The following TRPM8 variants were observed in gnomAD, a reference collection of about 807,000 sequenced individuals.
The protein encoded by TRPM8 is TRPM8 cationic channel.
A neutral mutation model predicts 133.7 loss-of-function variants in TRPM8; 110 were observed. The ratio of observed to expected loss-of-function variants is 0.82; its 90% CI spans 0.70 to 0.96. The LOEUF (loss-of-function observed/expected upper bound fraction) is 0.96, where lower values mean the gene tolerates loss of function less well. Ranked by LOEUF, TRPM8 falls within the 40% of genes least tolerant of loss-of-function variation. The probability of loss-of-function intolerance (pLI) is 0.00; values close to 1 mark genes in which losing one functional copy is unlikely to be tolerated. For synonymous variants in TRPM8, 535 were observed against 532.3 expected (o/e 1.01, Z -0.07); for missense variants, 1,291 against 1,379.5 (o/e 0.94, Z 1.02).
intron 17 of TRPM8, among the ~76,000 whole-genome samples, chr2:233,971,901 C>T (rs1691732584): frequency 6.6e-6 from 1 of 152,130 alleles, no homozygotes; most frequent in Non-Finnish European, 1.5e-5. Flanking sequence ...CTTATCTGGC[C>T]CCACCCACAT....
chr2:233,949,981 T>C lies in TRPM8; in HGVS notation c.975T>C (p.Pro325=), dbSNP rs1261318808. ...AINTSIKNKI[P]CVVVEGSGQI... is the part of the protein sequence containing the mutation. Reference sequence around the variant, plus strand: ...ATACCTCCATCAAAAATAAAATTCCTTGTGTGGTGGTGGAAGGCTCGGGCC... The same window carrying C: ...ATACCTCCATCAAAAATAAAATTCCCTGTGTGGTGGTGGAAGGCTCGGGCC... The change falls in exon 9 of 26, where the codon CCT becomes CCC. Residue 325 remains proline (P), a synonymous_variant. Coordinates refer to ENST00000324695, the MANE Select transcript of TRPM8 (RefSeq NM_024080.5). 1.2e-6 allele frequency: 2 copies of C among 1,613,990 alleles called. No homozygotes were observed. Among genetic ancestry groups the C allele is most frequent in the Admixed American group, 1.7e-5 (1 of 59,996 alleles).
In TRPM8 at chr2:233,985,680, A is replaced by T; in HGVS notation, c.2762-8A>T. The T allele has an allele frequency of 6.2e-7, 1 of 1,611,956 alleles. No homozygotes were observed. The highest frequency in any genetic ancestry group is 8.5e-7 in the Non-Finnish European group (1 of 1,178,386). On this transcript the variant is annotated splice_polypyrimidine_tract_variant and splice_region_variant and intron_variant, in intron 20 of 25. Transcript: ENST00000324695. ...CCTCACTTTGCCTGTTGGTTTCTAC[A>T]TCCTCAGGTACCACGTATGACTTTG...
At chr2:233,936,333 A>G (rs1690740427) in intron 3 of TRPM8, among the ~76,000 whole-genome samples, 1 of 152,252 alleles carries the variant, frequency 6.6e-6, no homozygotes, top group Admixed American at 6.5e-5. Context: ...ACAAGGGAAG[A>G]GGATTTACCA....
chr2:233,931,821 A>G (rs1691684812), intron 3 of TRPM8, among the ~76,000 whole-genome samples: 1 of 152,200 alleles, frequency 6.6e-6, no homozygotes, highest in Admixed American at 6.5e-5. Context: ...TAAGACCACT[A>G]TTTATCCCCT....
chr2:234,006,778 C>A, intron 22 of TRPM8, 75 bp from the exon 23 acceptor site: 1 of 1,115,704 alleles, frequency 9.0e-7, no homozygotes, highest in Non-Finnish European at 1.3e-6. Context: ...TCACAAAATG[C>A]CTTAGAAGAT....
chr2:234,008,097 T>A lies in TRPM8; in HGVS notation c.3258T>A (p.Asp1086Glu). 1 of 1,603,008 alleles carries A rather than the reference T, an allele frequency of 6.2e-7. No individual in the cohort carries two copies. Among genetic ancestry groups the A allele is most frequent in the South Asian group, 1.1e-5 (1 of 87,544 alleles). Residue 1086 changes from aspartate to glutamate, a missense_variant, in exon 24 of 26, where the codon GAT (aspartate) becomes GAA (glutamate). This residue lies in a region of TRPM8 where 328 missense variants were observed against 410.6 expected (regional missense o/e 0.80). Coordinates refer to ENST00000324695, the MANE Select transcript of TRPM8 (RefSeq NM_024080.5). Reference protein sequence around the residue: ...EEMRHRFRQLDTKLNDLKGLL... With the variant: ...EEMRHRFRQLETKLNDLKGLL... ...TGAGGCATCGATTTAGACAACTGGATACAAAGGTATGGTTCTGTTAATAGT... is the reference window on the plus strand; with the variant it reads ...TGAGGCATCGATTTAGACAACTGGAAACAAAGGTATGGTTCTGTTAATAGT...
intron 14 of TRPM8, among the ~76,000 whole-genome samples, chr2:233,965,589 C>T (rs528006473): frequency 4.6e-5 from 7 of 152,228 alleles, no homozygotes; most frequent in East Asian, 1.9e-4. Flanking sequence ...AAGTTTGCAA[C>T]GAGGTATTTG....
At chr2:233,953,035 A>G (rs1354452804) in intron 9 of TRPM8, among the ~76,000 whole-genome samples, 1 of 152,040 alleles carries the variant, frequency 6.6e-6, no homozygotes, top group East Asian at 1.9e-4. Flanking sequence ...CTCTCCTTCA[A>G]AATCTCCATG....
intron 11 of TRPM8, among the ~76,000 whole-genome samples, chr2:233,957,201 T>G (rs1213360005): frequency 6.6e-6 from 1 of 152,154 alleles, no homozygotes; most frequent in Non-Finnish European, 1.5e-5. Flanking sequence ...ATCAGTTATA[T>G]TTGGCTGGTC....
intron 1 of TRPM8, among the ~76,000 whole-genome samples, chr2:233,923,402 C>G (rs879894805): frequency 1.3e-5 from 2 of 152,182 alleles, no homozygotes; most frequent in Non-Finnish European, 2.9e-5. Flanking sequence ...CTCCATGGCT[C>G]CTCTAGCAAT....
At chr2:233,988,160 C>T (rs768414155) in intron 21 of TRPM8, among the ~76,000 whole-genome samples, 37 of 152,114 alleles carry the variant, frequency 2.4e-4, no homozygotes, top group Admixed American at 4.6e-4. Flanking sequence ...CTCTGTCCCC[C>T]GGCAGGCCTC....
chr2:233,927,785 TCTTTCTTTTCTTTCCTTCCTTC>T (rs1691566878), intron 2 of TRPM8, among the ~76,000 whole-genome samples: 1 of 48,028 alleles, frequency 2.1e-5, no homozygotes, highest in Non-Finnish European at 3.1e-5. Context: ...TTTCTTTCTT[TCTTTCTTTTCTTTCCTTCCTTC>T]CTTCCTTCCT....
chr2:233,992,609 G>A (rs1692306811), intron 21 of TRPM8, among the ~76,000 whole-genome samples: 1 of 152,106 alleles, frequency 6.6e-6, no homozygotes, highest in South Asian at 2.1e-4. Context: ...CTGGTTTCAG[G>A]AGATGGACCT....
chr2:233,969,756 T>A lies in TRPM8; in HGVS notation c.2087T>A (p.Ile696Asn), dbSNP rs767999589. 2 of 1,614,046 alleles carry A rather than the reference T, an allele frequency of 1.2e-6. No homozygotes were observed. Among genetic ancestry groups the A allele is most frequent in the Non-Finnish European group, 1.7e-6 (2 of 1,179,886 alleles). The change falls in exon 16 of 26, where the codon ATC becomes AAC. Residue 696 changes from isoleucine (I) to asparagine (N), a missense_variant. Transcript: ENST00000324695. The stretch of plus-strand genomic sequence containing the variant: ...CGAGACACCAAGAACTGGAAGATTA[T>A]CCTGTGTCTGTTTATTATACCCTTG... ...ISRDTKNWKIILCLFIIPLVG... is the reference protein window; with the variant it reads ...ISRDTKNWKINLCLFIIPLVG...
At chr2:233,922,279 G>C (rs1691427414) in intron 1 of TRPM8, among the ~76,000 whole-genome samples, 3 of 152,080 alleles carry the variant, frequency 2.0e-5, no homozygotes, top group Admixed American at 2.0e-4. Context: ...AATCAACCTG[G>C]AAGGTCCTAA....
intron 1 of TRPM8, among the ~76,000 whole-genome samples, chr2:233,923,040 T>TTG (rs1559514190): frequency 9.2e-5 from 14 of 151,846 alleles, no homozygotes; most frequent in African/African-American, 2.7e-4. Flanking sequence ...GCTAATTTTT[T>TTG]TTGTTGTTGT....
intron 11 of TRPM8, among the ~76,000 whole-genome samples, chr2:233,960,078 G>T (rs1313766837): frequency 6.6e-6 from 1 of 151,842 alleles, no homozygotes; most frequent in Admixed American, 6.6e-5. Flanking sequence ...TTATCCGTAA[G>T]TTCCTATGGG....
intron 22 of TRPM8, among the ~76,000 whole-genome samples, chr2:234,000,460 T>C (rs567600962): frequency 5.9e-5 from 9 of 152,270 alleles, no homozygotes; most frequent in African/African-American, 2.2e-4. Context: ...AAATGACCTT[T>C]GGCAATTTGG....
chr2:233,936,585 G>T (rs1248329658), intron 3 of TRPM8, among the ~76,000 whole-genome samples: 1 of 152,354 alleles, frequency 6.6e-6, no homozygotes, highest in East Asian at 1.9e-4. Flanking sequence ...CATCTTCCCA[G>T]TGAGTTCAGC....
Sources: allele counts gnomAD v4.1 joint callset (sites outside exome capture counted in the v4.1 genomes callset), GRCh38; gene constraint gnomAD v4.1.1; regional missense constraint gnomAD v4.1.1; transcripts MANE v1.5; gene names NCBI Gene and HGNC (gene_info 2026-07-23, HGNC 2026-07-21).